The following KIF26B variants were observed in gnomAD, a reference collection of about 807,000 sequenced individuals.
KIF26B encodes kinesin family member 26B, also known as kinesin-like protein KIF26B.
In KIF26B, 63 loss-of-function variants were observed where a neutral mutation model predicts 151.2. The ratio of observed to expected loss-of-function variants is 0.42; its 90% CI spans 0.34 to 0.51. The LOEUF (loss-of-function observed/expected upper bound fraction) is 0.51. KIF26B is among the 20% of genes least tolerant of loss of function. The pLI, the probability that KIF26B is intolerant of heterozygous loss-of-function variation, is 0.07. For synonymous variants in KIF26B, 1,357 were observed against 1,262.1 expected, an observed-to-expected ratio of 1.08 and a Z score of -1.59; for missense variants, 2,813 against 2,913.6, an observed-to-expected ratio of 0.97 and a Z score of 0.79.
chr1:245,515,741 C>G (rs1406793158), intron 4 of KIF26B, among the ~76,000 whole-genome samples: 2 of 152,162 alleles, frequency 1.3e-5, no homozygotes, highest in Non-Finnish European at 2.9e-5. Context: ...GGGCTAGAAC[C>G]TCTGATGGTT....
At chr1:245,213,280 C>A (rs1326884152) in intron 2 of KIF26B, among the ~76,000 whole-genome samples, 1 of 152,214 alleles carries the variant, frequency 6.6e-6, no homozygotes, top group Non-Finnish European at 1.5e-5. Flanking sequence ...ATGACCACTT[C>A]AGGCCATCTG....
Position 245,170,982 on chromosome 1 carries a change from A to G in KIF26B, c.465+14299A>G, listed in dbSNP as rs998388524. On this transcript the variant is annotated intron_variant, in intron 2 of 14. Coordinates refer to ENST00000407071, the MANE Select transcript of KIF26B (RefSeq NM_018012.4). The surrounding 1 kb of genome is among the most constrained non-coding windows in gnomAD (Gnocchi z 4.4). The stretch of plus-strand genomic sequence containing the variant: ...GATGGTAACATGTGATTACATCCCA[A>G]TGGAGTTGGGCATGAGAATAAGAAA... Among the ~76,000 whole-genome samples, 1 of 152,172 alleles carries G rather than the reference A, an allele frequency of 6.6e-6. No homozygotes were observed. Among genetic ancestry groups the G allele is most frequent in the African/African-American group, 2.4e-5 (1 of 41,432 alleles).
At chr1:245,697,374 C>T (rs1431703959) in intron 12 of KIF26B, among the ~76,000 whole-genome samples, 6 of 152,310 alleles carry the variant, frequency 3.9e-5, no homozygotes, top group Admixed American at 6.5e-5. Context: ...TAGCCGTCCT[C>T]GTCACAACGT....
intron 4 of KIF26B, among the ~76,000 whole-genome samples, chr1:245,484,691 CCTT>C (rs1660236820): frequency 5.4e-5 from 5 of 92,448 alleles, no homozygotes; most frequent in South Asian, 4.3e-4. Context: ...TGCTTCTCCT[CCTT>C]CTTCTCCTTC....
intron 2 of KIF26B, among the ~76,000 whole-genome samples, chr1:245,186,798 T>A (rs1243104449): frequency 6.6e-6 from 1 of 152,194 alleles, no homozygotes; most frequent in Non-Finnish European, 1.5e-5. Context: ...ATCATCATCA[T>A]CACCAAAGGA....
chr1:245,546,496 TTGTC>T (rs1413956901), intron 5 of KIF26B, among the ~76,000 whole-genome samples: 10 of 152,346 alleles, frequency 6.6e-5, no homozygotes, highest in Middle Eastern at 3.4e-3. Context: ...TACACACAGA[TTGTC>T]CAATTCCTCA....
chr1:245,202,859 T>C (rs1669326737), intron 2 of KIF26B, among the ~76,000 whole-genome samples: 1 of 150,946 alleles, frequency 6.6e-6, no homozygotes, highest in Admixed American at 6.6e-5. Context: ...GAGAATCACT[T>C]GCACCCAGGA....
intron 3 of KIF26B, among the ~76,000 whole-genome samples, chr1:245,411,057 A>G (rs1345944835): frequency 6.6e-6 from 1 of 152,206 alleles, no homozygotes; most frequent in Non-Finnish European, 1.5e-5. Context: ...TTTTTAGTAC[A>G]TTTTATTCAA....
intron 2 of KIF26B, among the ~76,000 whole-genome samples, chr1:245,169,355 G>GTGTGTGTGTT (rs1435536246): frequency 2.0e-5 from 3 of 151,986 alleles, no homozygotes; most frequent in Non-Finnish European, 4.4e-5. Flanking sequence ...GTGTGTGTGT[G>GTGTGTGTGTT]TGTGTGTGCG....
chr1:245,172,005 C>T (rs566215781), intron 2 of KIF26B, among the ~76,000 whole-genome samples: 28 of 152,344 alleles, frequency 1.8e-4, no homozygotes, highest in Admixed American at 1.0e-3. Flanking sequence ...TTTTAGACAG[C>T]GACCTCCTGA....
At position 245,170,470 on chromosome 1, in the gene KIF26B, A is replaced by G. The variant is rs1172616388; in HGVS notation, c.465+13787A>G. On this transcript the variant is annotated intron_variant, in intron 2 of 14. Coordinates refer to ENST00000407071, the MANE Select transcript of KIF26B (RefSeq NM_018012.4). This position sits in a 1 kb window ranked among gnomAD's most constrained non-coding sequence, Gnocchi z 4.4. ...GGGACGAAACTTATCAGAACCAAAC[A>G]TAGAGGGCAAATGTCTTAGCCAATT... is the stretch of plus-strand genomic sequence containing the variant. Among the ~76,000 whole-genome samples the G allele has an allele frequency of 1.3e-5, 2 of 152,184 alleles. No homozygotes were observed. Among genetic ancestry groups the G allele is most frequent in the Non-Finnish European group, 2.9e-5 (2 of 68,022 alleles).
chr1:245,538,226 G>A (rs1364976012), intron 4 of KIF26B, among the ~76,000 whole-genome samples: 2 of 152,162 alleles, frequency 1.3e-5, no homozygotes, highest in African/African-American at 4.8e-5. Flanking sequence ...TGAATGGAAT[G>A]AGCTTATAGA....
At chr1:245,164,134 C>T (rs1164224206) in intron 2 of KIF26B, among the ~76,000 whole-genome samples, 2 of 152,172 alleles carry the variant, frequency 1.3e-5, no homozygotes, top group East Asian at 1.9e-4. Context: ...TCCATCAATT[C>T]CTACTTTAGT....
At position 245,375,584 on chromosome 1, in the gene KIF26B, G is replaced by T. The variant is rs1473119943; in HGVS notation, c.999+8217G>T. On this transcript the variant is annotated intron_variant, in intron 3 of 14. Coordinates refer to ENST00000407071, the MANE Select transcript of KIF26B (RefSeq NM_018012.4). The surrounding 1 kb of genome is among the most constrained non-coding windows in gnomAD (Gnocchi z 4.2). The stretch of plus-strand genomic sequence containing the variant: ...GGCAAGGGTGTGATTCTCCCCTAGA[G>T]CCTCCAGAAGAAGCCAGCCCTGCAG... 6.6e-6 allele frequency among the ~76,000 whole-genome samples: 1 copy of T among 152,154 alleles called. No homozygotes were observed. Among genetic ancestry groups the T allele is most frequent in the African/African-American group, 2.4e-5 (1 of 41,446 alleles).
At chr1:245,161,583 T>A (rs1668530273) in intron 2 of KIF26B, among the ~76,000 whole-genome samples, 1 of 152,286 alleles carries the variant, frequency 6.6e-6, no homozygotes, top group South Asian at 2.1e-4. Context: ...AATAATAATA[T>A]GTAATAAATG....
chr1:245,546,545 A>T (rs1162335440), intron 5 of KIF26B, among the ~76,000 whole-genome samples: 1 of 152,176 alleles, frequency 6.6e-6, no homozygotes, highest in African/African-American at 2.4e-5. Context: ...CTGAAGCATG[A>T]CCAAAGAGAA....
At chr1:245,436,458 C>G (rs1435227621) in intron 4 of KIF26B, among the ~76,000 whole-genome samples, 1 of 152,144 alleles carries the variant, frequency 6.6e-6, no homozygotes, top group Admixed American at 6.5e-5. Context: ...CCGTCCTCCC[C>G]ACTGTGGTGT....
chr1:245,348,007 A>T (rs1025741913), intron 2 of KIF26B, among the ~76,000 whole-genome samples: 1 of 152,240 alleles, frequency 6.6e-6, no homozygotes, highest in Non-Finnish European at 1.5e-5. Flanking sequence ...CTTCTATGCC[A>T]TAAGTGGTAT....
At chr1:245,176,125 G>A (rs1345902757) in intron 2 of KIF26B, among the ~76,000 whole-genome samples, 7 of 151,816 alleles carry the variant, frequency 4.6e-5, no homozygotes, top group East Asian at 1.9e-4. Context: ...TCAGCCTCCC[G>A]AGTAGCTGGG....
Sources: gnomAD v4.1 joint callset for allele counts (sites outside exome capture counted in the v4.1 genomes callset) on GRCh38, gnomAD v4.1.1 for gene constraint, Gnocchi (gnomAD v3.1) non-coding constraint, MANE v1.5 for transcripts, NCBI Gene and HGNC (gene_info 2026-07-23, HGNC 2026-07-21) for gene names.